FRMD5: variants seen among roughly 807,000 people sequenced by gnomAD.
FRMD5 encodes the protein FERM domain containing 5, also known as FERM domain-containing protein 5.
In FRMD5, 20 loss-of-function variants were observed where a neutral mutation model predicts 69.0. The ratio of observed to expected loss-of-function variants is 0.29; its 90% CI spans 0.20 to 0.42. The LOEUF is 0.42. Among genes scored for constraint, FRMD5 ranks in the 10% least tolerant of loss-of-function variants. The probability of loss-of-function intolerance (pLI) is 1.00; values close to 1 mark genes in which losing one functional copy is unlikely to be tolerated. For missense variants in FRMD5, 595 were observed against 708.6 expected (o/e 0.84, Z 1.82); for synonymous variants, 271 against 260.1 (o/e 1.04, Z -0.40).
In FRMD5 at chr15:44,195,027, T is replaced by C; in HGVS notation, c.28A>G (p.Ser10Gly). 6.4e-7 allele frequency: 1 copy of C among 1,555,176 alleles called. No homozygotes were observed. Among genetic ancestry groups the C allele is most frequent in the Non-Finnish European group, 8.7e-7 (1 of 1,155,432 alleles). The change falls in exon 1 of 14, where the codon AGC becomes GGC. Residue 10 changes from serine to glycine, a missense_variant. This residue lies in a region of FRMD5 where 44 missense variants were observed against 33.6 expected (regional missense o/e 1.31). Coordinates refer to ENST00000417257, the MANE Select transcript of FRMD5 (RefSeq NM_032892.5). ...CTGTACTCGCGCTCCAGGCTCCTGCTGCTGCCGCTCATCAACCTGCTCAGC... is the reference window on the plus strand; with the variant it reads ...CTGTACTCGCGCTCCAGGCTCCTGCCGCTGCCGCTCATCAACCTGCTCAGC... MLSRLMSGS[S>G]RSLEREYSCT...
intron 1 of FRMD5, among the ~76,000 whole-genome samples, chr15:44,035,627 C>T (rs1196159164): frequency 1.3e-5 from 2 of 152,128 alleles, no homozygotes; most frequent in Non-Finnish European, 2.9e-5. Context: ...ATTAATGTTG[C>T]TAGGGTAAAA....
rs534664310 is a variant in FRMD5, at chr15:44,010,831, A to G, written c.103-86522T>C. Among the ~76,000 whole-genome samples the G allele has an allele frequency of 5.1e-4, 78 of 152,282 alleles. 3 individuals carry two copies. In the South Asian group the frequency reaches 0.016, roughly 31 times the overall value. On this transcript the variant is annotated intron_variant, in intron 1 of 13. Coordinates refer to ENST00000417257, the MANE Select transcript of FRMD5 (RefSeq NM_032892.5). ...ATATAGCTTTTATGCTGGGCAAAAGAGCCCTAACTGTGGGCAGAAGTTGTT... is the reference window on the plus strand; with the variant it reads ...ATATAGCTTTTATGCTGGGCAAAAGGGCCCTAACTGTGGGCAGAAGTTGTT...
chr15:43,886,716 C>T (rs781400680), intron 10 of FRMD5, among the ~76,000 whole-genome samples: 24 of 152,180 alleles, frequency 1.6e-4, no homozygotes, highest in Non-Finnish European at 2.8e-4. Context: ...CCAGGACATC[C>T]GAGCTGCTTA....
chr15:44,121,302 T>A (rs1167280479), intron 1 of FRMD5, among the ~76,000 whole-genome samples: 2 of 150,408 alleles, frequency 1.3e-5, no homozygotes, highest in African/African-American at 2.4e-5. Flanking sequence ...CAGCTTTCAG[T>A]GGATGTGAAG....
chr15:44,192,763 C>T (rs529177906), intron 1 of FRMD5, among the ~76,000 whole-genome samples: 3 of 152,252 alleles, frequency 2.0e-5, no homozygotes, highest in Admixed American at 1.3e-4. Context: ...CAAAGTGATG[C>T]CAAAGAATGA....
At chr15:43,892,689 G>A (rs927190173) in intron 7 of FRMD5, among the ~76,000 whole-genome samples, 4 of 152,154 alleles carry the variant, frequency 2.6e-5, no homozygotes, top group Non-Finnish European at 5.9e-5. Flanking sequence ...ACTGATAGAC[G>A]CTACAACACA....
At chr15:44,150,625 CTTT>C (rs201159673) in intron 1 of FRMD5, among the ~76,000 whole-genome samples, 2 of 133,434 alleles carry the variant, frequency 1.5e-5, no homozygotes, top group Admixed American at 7.6e-5. Flanking sequence ...CTACAAAATT[CTTT>C]TTTTTTTTTT....
chr15:43,918,310 G>A (rs1455711191), intron 4 of FRMD5, among the ~76,000 whole-genome samples: 1 of 152,206 alleles, frequency 6.6e-6, no homozygotes, highest in Non-Finnish European at 1.5e-5. Context: ...CGTAATCCCA[G>A]TTAGTCAGGA....
intron 1 of FRMD5, among the ~76,000 whole-genome samples, chr15:43,991,828 A>C (rs1286366183): frequency 6.6e-6 from 1 of 152,226 alleles, no homozygotes; most frequent in Non-Finnish European, 1.5e-5. Flanking sequence ...ATCTTGGTCC[A>C]ACATTCTTTG....
At chr15:44,193,702 G>C (rs1312461315) in intron 1 of FRMD5, among the ~76,000 whole-genome samples, 1 of 152,210 alleles carries the variant, frequency 6.6e-6, no homozygotes, top group Non-Finnish European at 1.5e-5. Context: ...AGGGAGAAAA[G>C]GGAAAGTGAG....
At chr15:44,044,800 A>T (rs1302582679) in intron 1 of FRMD5, among the ~76,000 whole-genome samples, 1 of 152,162 alleles carries the variant, frequency 6.6e-6, no homozygotes, top group Non-Finnish European at 1.5e-5. Flanking sequence ...CATTAGGGAA[A>T]TACCTAATGT....
intron 1 of FRMD5, among the ~76,000 whole-genome samples, chr15:44,152,913 A>G (rs2077469407): frequency 6.6e-6 from 1 of 152,160 alleles, no homozygotes; most frequent in Non-Finnish European, 1.5e-5. Flanking sequence ...GATCTTGAAT[A>G]GACATTTCTT....
chr15:44,022,955 C>T (rs1027948123), intron 1 of FRMD5, among the ~76,000 whole-genome samples: 11 of 152,032 alleles, frequency 7.2e-5, no homozygotes, highest in African/African-American at 2.7e-4. Context: ...AGAAAAATGA[C>T]CCTGGAGGTT....
At chr15:44,060,883 T>C (rs1329818140) in intron 1 of FRMD5, among the ~76,000 whole-genome samples, 1 of 152,216 alleles carries the variant, frequency 6.6e-6, no homozygotes, top group Non-Finnish European at 1.5e-5. Flanking sequence ...GCAAACATTT[T>C]ATATCCCTTA....
At chr15:43,912,261 C>G (rs1022790599) in intron 4 of FRMD5, among the ~76,000 whole-genome samples, 2 of 152,126 alleles carry the variant, frequency 1.3e-5, no homozygotes, top group African/African-American at 4.8e-5. Flanking sequence ...TCCCCTCACT[C>G]CCACCAACCC....
chr15:43,935,748 C>T (rs1207996149), intron 1 of FRMD5, among the ~76,000 whole-genome samples: 1 of 152,172 alleles, frequency 6.6e-6, no homozygotes, highest in Non-Finnish European at 1.5e-5. Context: ...CCTGAGGCCT[C>T]TGGCGCATCC....
In FRMD5 at chr15:43,924,078, A is replaced by T. The variant is rs911221122; in HGVS notation, c.207+127T>A. 11 of 748,254 alleles carry T rather than the reference A, an allele frequency of 1.5e-5. No individual in the cohort carries two copies. In the African/African-American group the frequency reaches 1.7e-4, roughly 12 times the overall value. 46.4% of individuals were successfully genotyped at this position (748,254 alleles called of 1,614,324 possible). A position where few individuals can be genotyped will look rare whatever the true frequency, so the allele number is the denominator to read the frequency against. On this transcript the variant is annotated intron_variant, in intron 2 of 13. Coordinates refer to ENST00000417257, the MANE Select transcript of FRMD5 (RefSeq NM_032892.5). ...TCTAATGCTATGATCTGAAGAGACG[A>T]CATCCAACTGCAGGGTCTGGTTGGT...
intron 1 of FRMD5, among the ~76,000 whole-genome samples, chr15:44,086,350 A>G (rs1414048289): frequency 6.6e-6 from 1 of 152,264 alleles, no homozygotes; most frequent in African/African-American, 2.4e-5. Context: ...AAAATGTGGT[A>G]TATTCATGCA....
At chr15:44,038,212 T>G (rs1181308144) in intron 1 of FRMD5, among the ~76,000 whole-genome samples, 1 of 152,184 alleles carries the variant, frequency 6.6e-6, no homozygotes, top group Non-Finnish European at 1.5e-5. Flanking sequence ...ATGGATAGAT[T>G]GCAAAAATGT....
Sources: gnomAD v4.1 joint callset for allele counts (sites outside exome capture counted in the v4.1 genomes callset) on GRCh38, gnomAD v4.1.1 for gene constraint, gnomAD v4.1.1 regional missense constraint, MANE v1.5 for transcripts, NCBI Gene and HGNC (gene_info 2026-07-23, HGNC 2026-07-21) for gene names.